LRRTM4: variants seen among roughly 807,000 people sequenced by gnomAD.
LRRTM4 encodes the protein leucine-rich repeat transmembrane neuronal protein 4.
A neutral mutation model predicts 47.6 loss-of-function variants in LRRTM4; 25 were observed. The observed-to-expected ratio is 0.53, with a 90% CI of 0.38 to 0.73. The LOEUF is 0.73. LRRTM4 is among the 30% of genes least tolerant of loss of function. LRRTM4 has a pLI of 0.00. For synonymous variants in LRRTM4, 311 were observed against 269.5 expected, an observed-to-expected ratio of 1.15 and a Z score of -1.51; for missense variants, 638 against 713.4, an observed-to-expected ratio of 0.89 and a Z score of 1.20.
chr2:77,130,182 AAGTT>A (rs1558595019), intron 3 of LRRTM4, among the ~76,000 whole-genome samples: 1 of 152,186 alleles, frequency 6.6e-6, no homozygotes, highest in Non-Finnish European at 1.5e-5. Flanking sequence ...ATTACTAGGG[AAGTT>A]AGTTAGAGAA....
chr2:76,900,547 T>C (rs1312602100), intron 3 of LRRTM4, among the ~76,000 whole-genome samples: 2 of 152,148 alleles, frequency 1.3e-5, no homozygotes, highest in African/African-American at 2.4e-5. Context: ...TCCTGGTATA[T>C]TATGGCTTTC....
At position 76,917,019 on chromosome 2, in the gene LRRTM4, T is replaced by A. The variant is rs1039534603; in HGVS notation, c.1552-168103A>T. 8.5e-5 allele frequency among the ~76,000 whole-genome samples: 13 copies of A among 152,318 alleles called. 1 individual carries two copies. In the East Asian group the frequency reaches 1.7e-3, roughly 20 times the overall value. ...GTCCATATTATTTTCGGGGAGGATG[T>A]GCCATTTTGTAGGTGCCCTTTGTTA... On this transcript the variant is annotated intron_variant, in intron 3 of 3. Transcript: ENST00000409884.
Position 77,514,473 on chromosome 2 carries a change from T to C in LRRTM4, c.1551+3845A>G, listed in dbSNP as rs76154520. ...CACTGCATAACAGTCAAAGAAATTA[T>C]ATAACCTGAACTGAAAACCAGTATA... On this transcript the variant is annotated intron_variant, in intron 3 of 3. Coordinates refer to ENST00000409884, the MANE Select transcript of LRRTM4 (RefSeq NM_001134745.3). 1.1e-3 allele frequency among the ~76,000 whole-genome samples: 167 copies of C among 152,178 alleles called. 1 individual carries two copies. Among genetic ancestry groups the C allele is most frequent in the African/African-American group, 3.9e-3 (164 of 41,558 alleles).
chr2:76,798,818 A>G (rs934869895), intron 3 of LRRTM4, among the ~76,000 whole-genome samples: 4 of 152,144 alleles, frequency 2.6e-5, no homozygotes, highest in Non-Finnish European at 4.4e-5. Flanking sequence ...GAATACTACA[A>G]ACACCTCTAC....
At chr2:77,475,120 G>A (rs763044946) in intron 3 of LRRTM4, among the ~76,000 whole-genome samples, 98 of 151,972 alleles carry the variant, frequency 6.4e-4, no homozygotes, top group Non-Finnish European at 2.5e-4. Flanking sequence ...GAGGGGAAAT[G>A]TTTCTCTCCA....
At chr2:77,512,522 A>G (rs977535531) in intron 3 of LRRTM4, among the ~76,000 whole-genome samples, 2 of 152,164 alleles carry the variant, frequency 1.3e-5, no homozygotes, top group African/African-American at 4.8e-5. Context: ...ATCAAAAGAC[A>G]TACTGGTTTT....
At chr2:77,350,131 G>C (rs1671705131) in intron 3 of LRRTM4, among the ~76,000 whole-genome samples, 1 of 149,896 alleles carries the variant, frequency 6.7e-6, no homozygotes, top group Admixed American at 6.7e-5. Context: ...GACCATCCTG[G>C]CTAACAAGGT....
At chr2:77,378,695 G>A (rs1672933579) in intron 3 of LRRTM4, among the ~76,000 whole-genome samples, 1 of 152,118 alleles carries the variant, frequency 6.6e-6, no homozygotes, top group African/African-American at 2.4e-5. Context: ...TTTGAAGCCA[G>A]GCTTACTGGG....
intron 3 of LRRTM4, among the ~76,000 whole-genome samples, chr2:76,950,267 C>G (rs1345038972): frequency 1.3e-5 from 2 of 151,904 alleles, no homozygotes; most frequent in African/African-American, 4.8e-5. Context: ...TCAAAGGTCT[C>G]TATGGTAATG....
intron 3 of LRRTM4, among the ~76,000 whole-genome samples, chr2:76,934,753 T>C (rs927037871): frequency 6.6e-6 from 1 of 152,212 alleles, no homozygotes; most frequent in Admixed American, 6.5e-5. Context: ...TACTGTGTAC[T>C]ATGTCTCACA....
chr2:77,105,168 A>G (rs745952780), intron 3 of LRRTM4, among the ~76,000 whole-genome samples: 7 of 152,332 alleles, frequency 4.6e-5, no homozygotes, highest in Admixed American at 6.5e-5. Context: ...GATGCTGAGT[A>G]TAACAACAAC....
chr2:77,508,062 C>T (rs1678848049), intron 3 of LRRTM4, among the ~76,000 whole-genome samples: 1 of 151,962 alleles, frequency 6.6e-6, no homozygotes, highest in African/African-American at 2.4e-5. Context: ...AGTCATGATC[C>T]CATAATCAAT....
chr2:77,508,296 C>T (rs371712322), intron 3 of LRRTM4, among the ~76,000 whole-genome samples: 10 of 152,152 alleles, frequency 6.6e-5, no homozygotes, highest in East Asian at 3.9e-4. Context: ...TGAAGTGACA[C>T]GAATTCTTGG....
At chr2:77,421,992 T>C (rs569095332) in intron 3 of LRRTM4, among the ~76,000 whole-genome samples, 1 of 152,326 alleles carries the variant, frequency 6.6e-6, no homozygotes, top group South Asian at 2.1e-4. Context: ...GTTATAATTG[T>C]CTAGTTCAGT....
At chr2:76,998,438 T>C (rs1677283256) in intron 3 of LRRTM4, among the ~76,000 whole-genome samples, 1 of 152,066 alleles carries the variant, frequency 6.6e-6, no homozygotes, top group Non-Finnish European at 1.5e-5. Flanking sequence ...ATCTATATTA[T>C]AATCAATTTG....
intron 3 of LRRTM4, among the ~76,000 whole-genome samples, chr2:77,479,271 G>A (rs1677558469): frequency 6.6e-6 from 1 of 152,062 alleles, no homozygotes; most frequent in Admixed American, 6.5e-5. Flanking sequence ...TTTCATTAGT[G>A]CTAAGGTCTG....
intron 3 of LRRTM4, among the ~76,000 whole-genome samples, chr2:77,280,594 AAAT>A (rs1676482547): frequency 6.6e-6 from 1 of 151,988 alleles, no homozygotes; most frequent in Admixed American, 6.6e-5. Flanking sequence ...TGTAATTTTG[AAAT>A]TAAACTTACT....
intron 3 of LRRTM4, among the ~76,000 whole-genome samples, chr2:77,299,739 GT>G (rs1450481673): frequency 2.0e-5 from 3 of 151,510 alleles, no homozygotes. Context: ...TCCATCATAA[GT>G]TATTGAAAAG....
chr2:77,210,161 G>A (rs1421200756), intron 3 of LRRTM4, among the ~76,000 whole-genome samples: 1 of 152,164 alleles, frequency 6.6e-6, no homozygotes, highest in Non-Finnish European at 1.5e-5. Context: ...ATTTGAAGGA[G>A]AAACCAAGAG....
Sources: gnomAD v4.1 joint callset for allele counts (sites outside exome capture counted in the v4.1 genomes callset) on GRCh38, gnomAD v4.1.1 for gene constraint, MANE v1.5 for transcripts, NCBI Gene and HGNC (gene_info 2026-07-23, HGNC 2026-07-21) for gene names.